Variants in SPECC1L observed in about 807,000 individuals in gnomAD.
SPECC1L encodes the protein sperm antigen with calponin homology and coiled-coil domains 1 like.
SPECC1L carries 40 observed loss-of-function variants against 116.8 expected under a neutral mutation model. The ratio of observed to expected loss-of-function variants is 0.34; its 90% CI spans 0.27 to 0.45. The LOEUF (loss-of-function observed/expected upper bound fraction) is 0.45, where lower values mean the gene tolerates loss of function less well. Ranked by LOEUF, SPECC1L falls within the 20% of genes least tolerant of loss-of-function variation. The probability of loss-of-function intolerance (pLI) is 1.00; values close to 1 mark genes in which losing one functional copy is unlikely to be tolerated. For missense variants in SPECC1L, 1,110 were observed against 1,373.6 expected (o/e 0.81, Z 3.03); for synonymous variants, 504 against 500.6 (o/e 1.01, Z -0.09).
At chr22:24,404,720 C>A (rs1429183887) in intron 14 of SPECC1L, among the ~76,000 whole-genome samples, 19 of 152,184 alleles carry the variant, frequency 1.2e-4, no homozygotes, top group Non-Finnish European at 4.4e-5. Context: ...TCCCTTTAAA[C>A]CTCCTTGAGC....
intron 3 of SPECC1L, among the ~76,000 whole-genome samples, chr22:24,303,690 T>G (rs975170853): frequency 8.5e-5 from 13 of 152,182 alleles, no homozygotes; most frequent in African/African-American, 2.9e-4. Context: ...AGCAGGCATG[T>G]TACACCTTCT....
In SPECC1L at chr22:24,322,293, T is replaced by A; in HGVS notation, c.1313T>A (p.Leu438His). Reference sequence around the variant, plus strand: ...GAACTGAATAGTGAAAACGAAAGGCTTGGAGAAGAGAAGGTTATTCTGATG... The same window carrying A: ...GAACTGAATAGTGAAAACGAAAGGCATGGAGAAGAGAAGGTTATTCTGATG... ...TQELNSENER[L>H]GEEKVILMES... The change falls in exon 5 of 17, where the codon CTT becomes CAT. Residue 438 changes from leucine to histidine, a missense_variant. By Grantham distance (99) the Leu-to-His change is moderately conservative (BLOSUM62 -3). Coordinates refer to ENST00000314328, the MANE Select transcript of SPECC1L (RefSeq NM_015330.6). 1 of 1,614,186 alleles carries A rather than the reference T, an allele frequency of 6.2e-7. No homozygotes were observed. Among genetic ancestry groups the A allele is most frequent in the Non-Finnish European group, 8.5e-7 (1 of 1,180,032 alleles).
intron 6 of SPECC1L, among the ~76,000 whole-genome samples, chr22:24,327,858 G>A (rs1037174966): frequency 2.0e-5 from 3 of 152,122 alleles, no homozygotes; most frequent in Non-Finnish European, 4.4e-5. Context: ...TAATATTGGC[G>A]GCAACATGGT....
rs541577242 is a variant in SPECC1L at position 24,283,279 on chromosome 22, C to T, written c.-38+6476C>T. On this transcript the variant is annotated intron_variant, in intron 2 of 16. Coordinates refer to ENST00000314328, the MANE Select transcript of SPECC1L (RefSeq NM_015330.6). Reference sequence around the variant, plus strand: ...CTTTTTAGTAGATATGGGGTTTCACCGTGTTAGCCAGGATGGTCTCGATCT... The same window carrying T: ...CTTTTTAGTAGATATGGGGTTTCACTGTGTTAGCCAGGATGGTCTCGATCT... 1.9e-3 allele frequency among the ~76,000 whole-genome samples: 286 copies of T among 151,540 alleles called. 1 individual carries two copies. Among genetic ancestry groups the T allele is most frequent in the African/African-American group, 6.4e-3 (263 of 41,248 alleles).
intron 14 of SPECC1L, among the ~76,000 whole-genome samples, chr22:24,380,294 C>A (rs895053820): frequency 5.3e-5 from 8 of 152,232 alleles, no homozygotes; most frequent in African/African-American, 1.9e-4. Flanking sequence ...CATGCCCATC[C>A]TTTGGAGCCA....
At chr22:24,271,864 A>G (rs1245376344) in intron 1 of SPECC1L, among the ~76,000 whole-genome samples, 1 of 152,248 alleles carries the variant, frequency 6.6e-6, no homozygotes. Flanking sequence ...TTTTGTCAAA[A>G]GAGCCTCTTA....
intron 16 of SPECC1L, among the ~76,000 whole-genome samples, chr22:24,413,921 G>T (rs2042751783): frequency 6.6e-6 from 1 of 152,170 alleles, no homozygotes; most frequent in African/African-American, 2.4e-5. Flanking sequence ...AGCAGCAGCA[G>T]TGTGTCACTT....
At position 24,321,736 on chromosome 22, in the gene SPECC1L, C is replaced by T; in HGVS notation, c.756C>T (p.Ala252=). Residue 252 remains alanine (A), a synonymous_variant, in exon 5 of 17, where the codon GCC becomes GCT. Transcript: ENST00000314328. ...TLLQLQEQNT[A]IREELNQLKN... ...TGCAGTTGCAGGAACAGAATACTGC[C>T]ATCCGTGAAGAACTCAACCAGCTGA... is the stretch of plus-strand genomic sequence containing the variant. The T allele has an allele frequency of 6.2e-7, 1 of 1,614,184 alleles. No individual in the cohort carries two copies. Among genetic ancestry groups the T allele is most frequent in the South Asian group, 1.1e-5 (1 of 91,078 alleles).
At chr22:24,313,122 C>A (rs1432180198) in intron 3 of SPECC1L, among the ~76,000 whole-genome samples, 191 bp from the exon 4 acceptor site, 2 of 152,078 alleles carry the variant, frequency 1.3e-5, no homozygotes, top group Admixed American at 6.6e-5. Flanking sequence ...AAAAGAAGTA[C>A]GTGATTGTTT....
chr22:24,339,465 A>G (rs889994533), intron 10 of SPECC1L, among the ~76,000 whole-genome samples: 3 of 152,256 alleles, frequency 2.0e-5, no homozygotes, highest in African/African-American at 2.4e-5. Flanking sequence ...CCATTGTGGA[A>G]TGCAGATGAG....
chr22:24,305,897 G>T (rs2049484385), intron 3 of SPECC1L, among the ~76,000 whole-genome samples: 1 of 151,886 alleles, frequency 6.6e-6, no homozygotes, highest in Non-Finnish European at 1.5e-5. Flanking sequence ...ATCGTTACCA[G>T]TAAGATTGAA....
At chr22:24,360,024 G>A (rs2041612558) in intron 11 of SPECC1L, among the ~76,000 whole-genome samples, 1 of 151,986 alleles carries the variant, frequency 6.6e-6, no homozygotes, top group Non-Finnish European at 1.5e-5. Context: ...TTTTTTCTCT[G>A]ACCTTTGCAC....
rs554847497 is a variant in SPECC1L, at chr22:24,286,013, A to G, written c.-38+9210A>G. Among the ~76,000 whole-genome samples the G allele has an allele frequency of 3.3e-5, 5 of 152,388 alleles. No individual in the cohort carries two copies. The South Asian group carries it at 1.0e-3, about 32-fold the overall frequency. On this transcript the variant is annotated intron_variant, in intron 2 of 16. Transcript: ENST00000314328. ...TTAAAAGCGATTGTTTATTTAAGCT[A>G]AAATAATCAAGTTACTCATTTATTC...
chr22:24,274,796 G>A (rs1046631926), intron 1 of SPECC1L, among the ~76,000 whole-genome samples: 1 of 152,116 alleles, frequency 6.6e-6, no homozygotes, highest in Non-Finnish European at 1.5e-5. Context: ...TCCTTAGCTT[G>A]GTATCCAGAA....
intron 2 of SPECC1L, among the ~76,000 whole-genome samples, chr22:24,289,229 AT>A (rs1166570986): frequency 2.6e-5 from 4 of 152,144 alleles, no homozygotes; most frequent in African/African-American, 9.7e-5. Flanking sequence ...GAGACGCAAA[AT>A]TTTTTGCATT....
At chr22:24,354,898 C>T (rs778017494) in intron 11 of SPECC1L, among the ~76,000 whole-genome samples, 2 of 151,770 alleles carry the variant, frequency 1.3e-5, no homozygotes. Context: ...GATTCACCCA[C>T]GTCGGCCTCC....
intron 12 of SPECC1L, among the ~76,000 whole-genome samples, chr22:24,364,489 C>T (rs887838759): frequency 4.6e-5 from 7 of 151,984 alleles, no homozygotes; most frequent in Middle Eastern, 3.4e-3. Context: ...ATGGCAAAAC[C>T]GTGTGTCTAC....
chr22:24,398,723 A>C (rs986977631), intron 14 of SPECC1L, among the ~76,000 whole-genome samples: 13 of 152,268 alleles, frequency 8.5e-5, no homozygotes, highest in South Asian at 8.3e-4. Context: ...AGGGTAAATT[A>C]AAGAAGGCCC....
intron 14 of SPECC1L, among the ~76,000 whole-genome samples, chr22:24,380,096 C>T (rs2042037797): frequency 6.6e-6 from 1 of 152,202 alleles, no homozygotes; most frequent in East Asian, 1.9e-4. Context: ...GTCTTGAACT[C>T]CTGACCTCAA....
Sources: allele counts gnomAD v4.1 joint callset (sites outside exome capture counted in the v4.1 genomes callset), GRCh38; gene constraint gnomAD v4.1.1; transcripts MANE v1.5; gene names NCBI Gene and HGNC (gene_info 2026-07-23, HGNC 2026-07-21).